Variants in OR2T35 observed in about 807,000 individuals in gnomAD.
OR2T35 encodes the protein olfactory receptor 2T35.
For missense variants in OR2T35, 47 were observed against 278.8 expected, an observed-to-expected ratio of 0.17 and a Z score of 5.92; for synonymous variants, 18 against 110.2, an observed-to-expected ratio of 0.16 and a Z score of 5.24.
rs547153722 is a variant in OR2T35, at chr1:248,641,673, A to G, written c.-22-2393T>C. 1.4e-3 allele frequency among the ~76,000 whole-genome samples: 96 copies of G among 67,280 alleles called. 7 individuals are homozygous for G. Among genetic ancestry groups the G allele is most frequent in the African/African-American group, 2.9e-3 (90 of 30,646 alleles). 44.1% of individuals were successfully genotyped at this position (67,280 alleles called of 152,430 possible). A position where few individuals can be genotyped will look rare whatever the true frequency, so the allele number is the denominator to read the frequency against. ...AGAAAGATATGATTTTAGCCACCTCATTTTTATACAACCGAGACCGTGTTA... is the reference window on the plus strand; with the variant it reads ...AGAAAGATATGATTTTAGCCACCTCGTTTTTATACAACCGAGACCGTGTTA... On this transcript the variant is annotated intron_variant, in intron 1 of 1. Coordinates refer to ENST00000641268, the MANE Select transcript of OR2T35 (RefSeq NM_001001827.2).
At chr1:248,644,750 A>G (rs991107765) in intron 1 of OR2T35, among the ~76,000 whole-genome samples, 1 of 140,236 alleles carries the variant, frequency 7.1e-6, no homozygotes, top group South Asian at 2.2e-4. Flanking sequence ...ATTGCTACTC[A>G]TAAGTGTTCA....
intron 1 of OR2T35, 145 bp from the exon 2 acceptor site, chr1:248,639,425 G>T (rs1660762872): frequency 5.8e-6 from 4 of 690,848 alleles, no homozygotes; most frequent in Admixed American, 2.8e-5. Context: ...CAGTATTAAT[G>T]ATCTGTATGA....
intron 1 of OR2T35, among the ~76,000 whole-genome samples, chr1:248,644,208 G>GA (rs1403983500): frequency 9.2e-6 from 1 of 109,044 alleles, no homozygotes; most frequent in Non-Finnish European, 2.0e-5. Context: ...CTATGGAAAT[G>GA]AAAGTGTTAA....
At chr1:248,644,575 G>A (rs551729452) in intron 1 of OR2T35, among the ~76,000 whole-genome samples, 1 of 143,468 alleles carries the variant, frequency 7.0e-6, no homozygotes, top group African/African-American at 2.6e-5. Context: ...GCTGAGGTGT[G>A]TGGGGTGGAG....
At chr1:248,644,928 T>C (rs1304451723) in intron 1 of OR2T35, among the ~76,000 whole-genome samples, 4 of 121,036 alleles carry the variant, frequency 3.3e-5, no homozygotes, top group Non-Finnish European at 5.5e-5. Context: ...TGATGTGAAT[T>C]TCTCTTTTCC....
At position 248,644,030 on chromosome 1, in the gene OR2T35, G is replaced by T. The variant is rs1660821897; in HGVS notation, c.-23+1217C>A. Among the ~76,000 whole-genome samples the T allele has an allele frequency of 1.6e-4, 2 of 12,530 alleles. 1 individual carries two copies. Among genetic ancestry groups the T allele is most frequent in the African/African-American group, 2.2e-4 (2 of 9,218 alleles). The allele number at this position is 12,530 out of a possible 152,430, so 8.2% of individuals were successfully genotyped here. ...CACAGTCGATTTGATAACCTAGACAGCTACTGAATGACTCGGGGTAGCATA... is the reference window on the plus strand; with the variant it reads ...CACAGTCGATTTGATAACCTAGACATCTACTGAATGACTCGGGGTAGCATA... On this transcript the variant is annotated intron_variant, in intron 1 of 1. Transcript: ENST00000641268.
chr1:248,642,382 C>T (rs1019620655), intron 1 of OR2T35, among the ~76,000 whole-genome samples: 3 of 138,706 alleles, frequency 2.2e-5, no homozygotes, highest in African/African-American at 7.4e-5. Flanking sequence ...AGTGTTGCAA[C>T]ATAATCATCT....
chr1:248,638,436 A>C lies in OR2T35; in HGVS notation c.823T>G (p.Ser275Ala). The C allele has an allele frequency of 7.9e-7, 1 of 1,267,986 alleles. No individual in the cohort carries two copies. Among genetic ancestry groups the C allele is most frequent in the Admixed American group, 1.8e-5 (1 of 54,926 alleles). The allele number at this position is 1,267,986 out of a possible 1,614,324, so 78.5% of individuals were successfully genotyped here. A position where few individuals can be genotyped will look rare whatever the true frequency, so the allele number is the denominator to read the frequency against. Residue 275 changes from serine (S) to alanine (A), a missense_variant, in exon 2 of 2, where the codon TCT becomes GCT. By Grantham distance (99) the Ser-to-Ala change is moderately conservative (BLOSUM62 1). Transcript: ENST00000641268. ...GGGGTGAGGATGGTGTAGAAGGCAG[A>C]CACCACTTTATCTTTCTCTGGAGTG... ...YHTPEKDKVV[S>A]AFYTILTPML...
At chr1:248,639,377 A>G in intron 1 of OR2T35, 97 bp from the exon 2 acceptor site, 1 of 575,644 alleles carries the variant, frequency 1.7e-6, no homozygotes, top group Non-Finnish European at 3.2e-6. Context: ...GATCAAGAAA[A>G]GATCACCTAC....
chr1:248,639,466 A>C (rs1660763398), intron 1 of OR2T35, among the ~76,000 whole-genome samples, 186 bp from the exon 2 acceptor site: 1 of 151,774 alleles, frequency 6.6e-6, no homozygotes, highest in Admixed American at 6.6e-5. Context: ...TCTCAACTCA[A>C]TTTCATCATC....
chr1:248,644,813 G>A (rs61834273), intron 1 of OR2T35, among the ~76,000 whole-genome samples: 85,802 of 130,358 alleles, frequency 0.66, 25,277 homozygotes, highest in Non-Finnish European at 0.75. Context: ...ACCTACACAA[G>A]CTACTCCTGT....
At position 248,641,855 on chromosome 1, in the gene OR2T35, A is replaced by AAC. The variant is rs200173308; in HGVS notation, c.-22-2577_-22-2576dup. 3.3e-3 allele frequency among the ~76,000 whole-genome samples: 242 copies of AAC among 72,684 alleles called. 1 individual carries two copies. The highest frequency in any genetic ancestry group is 9.4e-3 in the Middle Eastern group (1 of 106). 47.7% of individuals were successfully genotyped at this position (72,684 alleles called of 152,430 possible). A position where few individuals can be genotyped will look rare whatever the true frequency, so the allele number is the denominator to read the frequency against. On this transcript the variant is annotated intron_variant, in intron 1 of 1. Coordinates refer to ENST00000641268, the MANE Select transcript of OR2T35 (RefSeq NM_001001827.2). ...GGGAAAAGGCCCTGCTAAAGAGCAG[A>AAC]ACTACACTGCTTGGCACAAACGAGC...
intron 1 of OR2T35, among the ~76,000 whole-genome samples, chr1:248,643,022 GTATCA>G (rs1398938874): frequency 3.0e-5 from 4 of 131,364 alleles, no homozygotes; most frequent in African/African-American, 8.7e-5. Flanking sequence ...TTTGATTAAT[GTATCA>G]TATCAAAAAT....
chr1:248,642,216 C>CAAAA (rs61189391), intron 1 of OR2T35, among the ~76,000 whole-genome samples: 2,018 of 53,020 alleles, frequency 0.038, 45 homozygotes, highest in Middle Eastern at 0.1. Context: ...CTAGTCTTTC[C>CAAAA]AAAAAAAAAA....
chr1:248,644,465 A>G (rs916488), intron 1 of OR2T35, among the ~76,000 whole-genome samples: 77,513 of 102,600 alleles, frequency 0.76, 30,097 homozygotes, highest in Non-Finnish European at 0.87. Flanking sequence ...GAGACAATGT[A>G]AATAATGTCA....
chr1:248,641,724 T>G (rs1218453283), intron 1 of OR2T35, among the ~76,000 whole-genome samples: 1 of 77,428 alleles, frequency 1.3e-5, no homozygotes, highest in African/African-American at 3.2e-5. Flanking sequence ...AGGTTCCTTG[T>G]GAGTGTGAGC....
intron 1 of OR2T35, among the ~76,000 whole-genome samples, chr1:248,642,245 A>ATC (rs1660797069): frequency 2.6e-4 from 27 of 105,212 alleles, no homozygotes; most frequent in African/African-American, 6.8e-4. Flanking sequence ...AGAAAAAGAA[A>ATC]AAGAAAAAGC....
chr1:248,641,726 AGTGTGAGCGTT>A (rs1320935696), intron 1 of OR2T35, among the ~76,000 whole-genome samples: 1 of 76,706 alleles, frequency 1.3e-5, no homozygotes, highest in Non-Finnish European at 3.6e-5. Flanking sequence ...GTTCCTTGTG[AGTGTGAGCGTT>A]GTGCGTACAT....
In OR2T35 at chr1:248,638,520, CCAT is replaced by C; in HGVS notation, c.736_738del (p.Met246del). 3 of 1,443,120 alleles carry C rather than the reference CCAT, an allele frequency of 2.1e-6. No homozygotes were observed. The highest frequency in any genetic ancestry group is 1.8e-5 in the Admixed American group (1 of 56,272). The allele number at this position is 1,443,120 out of a possible 1,614,324, so 89.4% of individuals were successfully genotyped here. A position where few individuals can be genotyped will look rare whatever the true frequency, so the allele number is the denominator to read the frequency against. On this transcript the variant is annotated inframe_deletion, in exon 2 of 2. Coordinates refer to ENST00000641268, the MANE Select transcript of OR2T35 (RefSeq NM_001001827.2). ...GCTGCCCCGTAGAAAACGCTCACCA[CCAT>C]AATGTGGGAGGAACACGTAGCAAAG...
Sources: allele counts gnomAD v4.1 joint callset (sites outside exome capture counted in the v4.1 genomes callset), GRCh38; gene constraint gnomAD v4.1.1; transcripts MANE v1.5; gene names NCBI Gene and HGNC (gene_info 2026-07-23, HGNC 2026-07-21).